LPXN: variants seen among roughly 807,000 people sequenced by gnomAD.
LPXN encodes leupaxin.
Under a neutral mutation model 45.6 loss-of-function variants are expected in LPXN, and 28 were observed. The ratio of observed to expected loss-of-function variants is 0.61; its 90% CI spans 0.45 to 0.84. LPXN has a LOEUF of 0.84. Among genes scored for constraint, LPXN ranks in the 40% least tolerant of loss-of-function variants. The probability of loss-of-function intolerance (pLI) is 0.00; values close to 1 mark genes in which losing one functional copy is unlikely to be tolerated. For synonymous variants in LPXN, 166 were observed against 169.9 expected (o/e 0.98, Z 0.18); for missense variants, 459 against 475.0 (o/e 0.97, Z 0.31).
chr11:58,576,459 G>A (rs555328393), upstream of LPXN, among the ~76,000 whole-genome samples: 220 of 152,296 alleles, frequency 1.4e-3, 1 homozygote, highest in African/African-American at 5.2e-3. Flanking sequence ...TAAACTGTGT[G>A]CATCTCAATT....
intron 3 of LPXN, among the ~76,000 whole-genome samples, chr11:58,560,808 C>G (rs1854351388): frequency 6.6e-6 from 1 of 152,064 alleles, no homozygotes; most frequent in Non-Finnish European, 1.5e-5. Flanking sequence ...GCTGTGTGTC[C>G]TGAATTATCT....
At chr11:58,556,031 G>A (rs1854192546) in intron 3 of LPXN, among the ~76,000 whole-genome samples, 1 of 151,732 alleles carries the variant, frequency 6.6e-6, no homozygotes, top group Admixed American at 6.6e-5. Flanking sequence ...CAAATACATA[G>A]AAAAATATGG....
At chr11:58,553,471 T>C (rs543950126) in intron 4 of LPXN, among the ~76,000 whole-genome samples, 28 of 151,956 alleles carry the variant, frequency 1.8e-4, no homozygotes, top group African/African-American at 6.5e-4. Context: ...ATATACAGCA[T>C]AATGAGCCAA....
At chr11:58,532,044 G>A (rs1456950157) in intron 7 of LPXN, among the ~76,000 whole-genome samples, 2 of 152,256 alleles carry the variant, frequency 1.3e-5, no homozygotes, top group Non-Finnish European at 2.9e-5. Flanking sequence ...CACTCAGAGT[G>A]GCCGGCCAGC....
At chr11:58,578,216 G>T, upstream of LPXN, 1 of 820,888 alleles carries the variant, frequency 1.2e-6, no homozygotes, top group Non-Finnish European at 1.8e-6. Context: ...CTTGAGCCCG[G>T]ATGTACGGCA....
intron 1 of LPXN, among the ~76,000 whole-genome samples, chr11:58,573,278 A>G (rs370531428): frequency 1.3e-5 from 2 of 151,832 alleles, no homozygotes; most frequent in African/African-American, 4.8e-5. Context: ...AAAAGAAAGA[A>G]AAAGAAAAGA....
chr11:58,574,161 T>A (rs541556958), intron 1 of LPXN, among the ~76,000 whole-genome samples: 2 of 152,332 alleles, frequency 1.3e-5, no homozygotes, highest in Non-Finnish European at 2.9e-5. Context: ...AACTGGATAA[T>A]CTGCACAAAT....
chr11:58,575,695 C>T (rs1471195246), intron 1 of LPXN, 65 bp downstream of exon 1: 3 of 1,576,568 alleles, frequency 1.9e-6, no homozygotes, highest in African/African-American at 2.7e-5. Flanking sequence ...GTATACCCCA[C>T]CACACAAGGA....
At chr11:58,528,642 A>C (rs942293351) in intron 7 of LPXN, among the ~76,000 whole-genome samples, 33 of 152,222 alleles carry the variant, frequency 2.2e-4, no homozygotes, top group African/African-American at 6.3e-4. Context: ...TTACAGGAAC[A>C]TTAGCTCTGA....
intron 7 of LPXN, among the ~76,000 whole-genome samples, chr11:58,530,348 T>C (rs1028681074): frequency 1.1e-4 from 17 of 152,134 alleles, no homozygotes; most frequent in African/African-American, 4.1e-4. Flanking sequence ...CCTGGGATAC[T>C]AGAATTTGGT....
intron 7 of LPXN, 33 bp from the exon 8 acceptor site, chr11:58,528,224 A>G (rs1402327125): frequency 8.1e-6 from 13 of 1,605,452 alleles, no homozygotes; most frequent in Non-Finnish European, 1.0e-5. Context: ...TCACTGTTGC[A>G]GGTTGAGCCC....
chr11:58,568,379 AATCACCTG>A (rs1179516843), intron 2 of LPXN, among the ~76,000 whole-genome samples: 1 of 152,100 alleles, frequency 6.6e-6, no homozygotes, highest in African/African-American at 2.4e-5. Context: ...GAGGCAGGCA[AATCACCTG>A]AGGTCAGGAG....
intron 7 of LPXN, among the ~76,000 whole-genome samples, chr11:58,538,916 TAATC>T (rs1367602602): frequency 4.6e-5 from 7 of 151,938 alleles, no homozygotes; most frequent in Admixed American, 2.6e-4. Context: ...AAGACACAAA[TAATC>T]AAACAAATCA....
chr11:58,544,003 G>C (rs1268509235), intron 7 of LPXN, among the ~76,000 whole-genome samples: 1 of 151,976 alleles, frequency 6.6e-6, no homozygotes, highest in Non-Finnish European at 1.5e-5. Context: ...GTTCAACTTT[G>C]CTTTCTTTAA....
chr11:58,573,982 C>G (rs1854797634), intron 1 of LPXN, among the ~76,000 whole-genome samples: 1 of 152,126 alleles, frequency 6.6e-6, no homozygotes, highest in African/African-American at 2.4e-5. Flanking sequence ...CTCTGAGGCA[C>G]CACTGCAGAC....
chr11:58,564,225 A>G, intron 2 of LPXN, 24 bp from the exon 3 acceptor site: 1 of 1,544,098 alleles, frequency 6.5e-7, no homozygotes, highest in Non-Finnish European at 8.9e-7. Flanking sequence ...GTGACAAGAG[A>G]AGAGCAAAGA....
intron 1 of LPXN, among the ~76,000 whole-genome samples, chr11:58,573,729 C>T (rs994884268): frequency 3.3e-5 from 5 of 151,782 alleles, no homozygotes; most frequent in African/African-American, 4.8e-5. Context: ...AGAGTGGGGG[C>T]GGGGGAAGTG....
At chr11:58,574,574 A>C (rs1008567040) in intron 1 of LPXN, among the ~76,000 whole-genome samples, 3 of 151,732 alleles carry the variant, frequency 2.0e-5, no homozygotes, top group African/African-American at 7.3e-5. Context: ...CATCCCCCCC[A>C]AAAAAAAGAA....
At chr11:58,569,437 G>A (rs1280629791) in intron 2 of LPXN, among the ~76,000 whole-genome samples, 1 of 151,960 alleles carries the variant, frequency 6.6e-6, no homozygotes, top group Non-Finnish European at 1.5e-5. Flanking sequence ...CGCCCAGGCT[G>A]GGATGGAGTG....
Sources: allele counts gnomAD v4.1 joint callset (sites outside exome capture counted in the v4.1 genomes callset), GRCh38; gene constraint gnomAD v4.1.1; transcripts MANE v1.5; gene names NCBI Gene and HGNC (gene_info 2026-07-23, HGNC 2026-07-21).